The following SLC12A3 variants were observed in gnomAD, a reference collection of about 807,000 sequenced individuals.
SLC12A3 encodes Na-Cl cotransporter.
A neutral mutation model predicts 121.0 loss-of-function variants in SLC12A3; 104 were observed. The ratio of observed to expected loss-of-function variants is 0.86; its 90% CI spans 0.73 to 1.01. SLC12A3 has a LOEUF of 1.01. Among genes scored for constraint, SLC12A3 ranks in the 50% least tolerant of loss-of-function variants. The pLI is 0.00. For synonymous variants in SLC12A3, 536 were observed against 533.4 expected (o/e 1.00, Z -0.07); for missense variants, 1,328 against 1,356.3 (o/e 0.98, Z 0.33).
chr16:56,885,583 G>T (rs1342638006), intron 15 of SLC12A3, among the ~76,000 whole-genome samples: 2 of 152,096 alleles, frequency 1.3e-5, no homozygotes, highest in African/African-American at 4.8e-5. Flanking sequence ...GCCTCTCCAT[G>T]CCTTGGTTTC....
intron 14 of SLC12A3, among the ~76,000 whole-genome samples, chr16:56,884,972 G>A (rs1397154279): frequency 4.6e-5 from 7 of 152,130 alleles, no homozygotes; most frequent in Middle Eastern, 3.4e-3. Flanking sequence ...TCACCATGTC[G>A]GCCAGGCTGG....
intron 8 of SLC12A3, 36 bp from the exon 9 acceptor site, chr16:56,878,041 T>TCTCTCCCCC: frequency 7.6e-6 from 3 of 393,162 alleles, no homozygotes; most frequent in South Asian, 2.1e-5. Context: ...CCTCTCTCCC[T>TCTCTCCCCC]CCCTCCCTCC....
intron 3 of SLC12A3, 45 bp downstream of exon 3, chr16:56,868,417 C>A: frequency 6.5e-7 from 1 of 1,547,364 alleles, no homozygotes; most frequent in Non-Finnish European, 8.8e-7. Context: ...TGCCTGAATC[C>A]CATTCTTCCC....
intron 22 of SLC12A3, among the ~76,000 whole-genome samples, chr16:56,897,747 G>C (rs2055484468): frequency 6.6e-6 from 1 of 152,182 alleles, no homozygotes. Context: ...TTGGTGGGAA[G>C]GTTAGGTAAC....
At chr16:56,905,441 C>A (rs1414272282) in intron 25 of SLC12A3, among the ~76,000 whole-genome samples, 1 of 151,862 alleles carries the variant, frequency 6.6e-6, no homozygotes, top group East Asian at 1.9e-4. Flanking sequence ...AAGTAACTGG[C>A]CTCTCCTACA....
In SLC12A3 at chr16:56,879,557, T is replaced by A; in HGVS notation, c.1351T>A (p.Ser451Thr). The A allele has an allele frequency of 1.2e-6, 2 of 1,613,644 alleles. No homozygotes were observed. Among genetic ancestry groups the A allele is most frequent in the Non-Finnish European group, 1.7e-6 (2 of 1,179,858 alleles). ...ATCCCCACAGACCATGAGCATGGTG[T>A]CAGGCTTCGCGCCCCTGATCACGGC... The part of the protein sequence containing the change: ...INYYQTMSMV[S>T]GFAPLITAGI... Residue 451 changes from serine (S) to threonine (T), a missense_variant, in exon 11 of 26, where the codon TCA becomes ACA. By Grantham distance (58) the Ser-to-Thr change is moderately conservative (BLOSUM62 1). Transcript: ENST00000563236.
At chr16:56,891,955 T>G in intron 19 of SLC12A3, 128 bp from the exon 20 acceptor site, 1 of 767,722 alleles carries the variant, frequency 1.3e-6, no homozygotes, top group Non-Finnish European at 2.4e-6. Flanking sequence ...CCAGGTGCAG[T>G]GGGGCTGTGG....
chr16:56,888,853 C>G (rs867742012), intron 18 of SLC12A3, among the ~76,000 whole-genome samples: 10 of 152,166 alleles, frequency 6.6e-5, no homozygotes, highest in African/African-American at 2.4e-4. Context: ...CCACCGTGCC[C>G]GGCCACCAGA....
intron 20 of SLC12A3, 119 bp from the exon 21 acceptor site, chr16:56,892,834 G>A: frequency 1.3e-6 from 1 of 777,262 alleles, no homozygotes; most frequent in African/African-American, 1.7e-5. Flanking sequence ...CCCGGTTCCT[G>A]TTCCACCTGC....
chr16:56,882,129 A>G (rs1449697168), intron 12 of SLC12A3, among the ~76,000 whole-genome samples: 2 of 151,988 alleles, frequency 1.3e-5, no homozygotes, highest in African/African-American at 4.8e-5. Context: ...TGGTCATCCC[A>G]TAGCCTGATG....
chr16:56,894,682 C>A, intron 22 of SLC12A3, 40 bp downstream of exon 22: 1 of 1,480,246 alleles, frequency 6.8e-7, no homozygotes, highest in Non-Finnish European at 9.4e-7. Context: ...CTGCAGGGAC[C>A]AGTGTCATCT....
chr16:56,904,124 T>A, intron 24 of SLC12A3: 1 of 413,252 alleles, frequency 2.4e-6, no homozygotes, highest in East Asian at 5.5e-5. Flanking sequence ...AGTAAGGTGT[T>A]CTCTCTTCCC....
In SLC12A3 at chr16:56,902,450, T is replaced by A. The variant is rs777021735; in HGVS notation, c.2798T>A (p.Met933Lys). The A allele has an allele frequency of 6.5e-7, 1 of 1,527,716 alleles. No homozygotes were observed. Among genetic ancestry groups the A allele is most frequent in the Non-Finnish European group, 8.8e-7 (1 of 1,132,580 alleles). 94.6% of individuals were successfully genotyped at this position (1,527,716 alleles called of 1,614,324 possible). Residue 933 changes from methionine (M) to lysine (K), a missense_variant, in exon 24 of 26, where the codon ATG (methionine) becomes AAG (lysine). Coordinates refer to ENST00000563236, the MANE Select transcript of SLC12A3 (RefSeq NM_001126108.2). ...AAGGATGAGGCCACTGTCAACGAGATGCGGCGGGACTGCCCCTGGAAGATC... is the reference window on the plus strand; with the variant it reads ...AAGGATGAGGCCACTGTCAACGAGAAGCGGCGGGACTGCCCCTGGAAGATC... Reference protein sequence around the residue: ...GFKDEATVNEMRRDCPWKISD... With the variant: ...GFKDEATVNEKRRDCPWKISD...
chr16:56,872,641 G>A lies in SLC12A3; in HGVS notation c.965-15G>A. The A allele has an allele frequency of 6.2e-7, 1 of 1,614,236 alleles. No homozygotes were observed. Among genetic ancestry groups the A allele is most frequent in the Non-Finnish European group, 8.5e-7 (1 of 1,180,052 alleles). ...CCTCCAGGTGAGCCTTACTCATCAG[G>A]CCTTGCTTTTCCAGCGGACATTTTT... On this transcript the variant is annotated splice_polypyrimidine_tract_variant and intron_variant, in intron 7 of 25. Coordinates refer to ENST00000563236, the MANE Select transcript of SLC12A3 (RefSeq NM_001126108.2).
intron 14 of SLC12A3, 76 bp downstream of exon 14, chr16:56,884,280 G>A (rs561793176): frequency 1.6e-5 from 24 of 1,492,018 alleles, no homozygotes; most frequent in Non-Finnish European, 2.2e-5. Flanking sequence ...CTCCGCCCCA[G>A]TTGGAGGGCC....
chr16:56,869,882 C>A (rs907315069), intron 4 of SLC12A3, 58 bp downstream of exon 4: 2 of 1,511,106 alleles, frequency 1.3e-6, no homozygotes, highest in South Asian at 2.3e-5. Context: ...ATCCTGGGAA[C>A]AGGACTCCCA....
At chr16:56,911,601 A>G (rs2055686604) in intron 25 of SLC12A3, among the ~76,000 whole-genome samples, 1 of 152,186 alleles carries the variant, frequency 6.6e-6, no homozygotes, top group South Asian at 2.1e-4. Context: ...CTGGGATTAC[A>G]GGTGTGACCA....
In SLC12A3 at chr16:56,885,273, T is replaced by C. The variant is rs1826150152; in HGVS notation, c.1834T>C (p.Trp612Arg). ...YVIYKKPEVN[W>R]GSSVQAGSYN... ...CTCCCTTGCTCTCCCAGAGGTAAAT[T>C]GGGGCTCCTCGGTACAGGCTGGCTC... Residue 612 changes from tryptophan to arginine, a missense_variant, in exon 15 of 26, where the codon TGG becomes CGG. Transcript: ENST00000563236. 6.4e-7 allele frequency: 1 copy of C among 1,551,938 alleles called. No homozygotes were observed.
intron 14 of SLC12A3, 147 bp downstream of exon 14, chr16:56,884,351 T>A (rs2055283033): frequency 4.8e-6 from 4 of 838,696 alleles, no homozygotes; most frequent in Non-Finnish European, 7.6e-6. Flanking sequence ...TCCCTCCCAA[T>A]GTGGCAAGAA....
Sources: allele counts gnomAD v4.1 joint callset (sites outside exome capture counted in the v4.1 genomes callset), GRCh38; gene constraint gnomAD v4.1.1; transcripts MANE v1.5; gene names NCBI Gene and HGNC (gene_info 2026-07-23, HGNC 2026-07-21).